Variants in GNL1 observed in about 807,000 individuals in gnomAD.
GNL1 encodes G protein nucleolar 1, also known as guanine nucleotide-binding protein-like 1.
A neutral mutation model predicts 75.2 loss-of-function variants in GNL1; 21 were observed. The observed-to-expected ratio is 0.28, with a 90% CI of 0.20 to 0.40. The LOEUF (loss-of-function observed/expected upper bound fraction) is 0.40, where lower values mean the gene tolerates loss of function less well. Ranked by LOEUF, GNL1 falls within the 10% of genes least tolerant of loss-of-function variation. The probability of loss-of-function intolerance (pLI) is 1.00; values close to 1 mark genes in which losing one functional copy is unlikely to be tolerated. For missense variants in GNL1, 579 were observed against 775.0 expected (o/e 0.75, Z 3.00); for synonymous variants, 287 against 303.4 (o/e 0.95, Z 0.56).
In GNL1 at chr6:30,552,963, C is replaced by T; in HGVS notation, c.904+121G>A. ...CAGTCTGCTCCTTATTCTGTCCCTTCCCCTGGCCTCTTGCACATATCCACC... is the reference window on the plus strand; with the variant it reads ...CAGTCTGCTCCTTATTCTGTCCCTTTCCCTGGCCTCTTGCACATATCCACC... On this transcript the variant is annotated intron_variant, in intron 7 of 11. Coordinates refer to ENST00000376621, the MANE Select transcript of GNL1 (RefSeq NM_005275.5). This position sits in a 1 kb window ranked among gnomAD's most constrained non-coding sequence, Gnocchi z 4.5. 1.3e-6 allele frequency: 1 copy of T among 752,708 alleles called. No homozygotes were observed. The highest frequency in any genetic ancestry group is 2.3e-6 in the Non-Finnish European group (1 of 437,228). 46.6% of individuals were successfully genotyped at this position (752,708 alleles called of 1,614,324 possible).
At position 30,555,232 on chromosome 6, in the gene GNL1, G is replaced by T; in HGVS notation, c.240-41C>A. The T allele has an allele frequency of 6.2e-7, 1 of 1,611,778 alleles. No individual in the cohort carries two copies. Among genetic ancestry groups the T allele is most frequent in the South Asian group, 1.1e-5 (1 of 91,032 alleles). ...CCGAGACATCCAGAGCAATCCTGTG[G>T]CCACAAACTCCTATTTTCTCCCCTC... On this transcript the variant is annotated intron_variant, in intron 2 of 11. Transcript: ENST00000376621. This position sits in a 1 kb window ranked among gnomAD's most constrained non-coding sequence, Gnocchi z 4.3.
In GNL1 at chr6:30,544,810, A is replaced by G. The variant is rs1799358303; in HGVS notation, c.*1262T>C. ...ACTGCCCAGTGACTCAGATCCTGAA[A>G]GGATCTGCTTTAGAGAAAAAAGGAG... On this transcript the variant is annotated 3_prime_UTR_variant, in exon 12 of 12. Transcript: ENST00000376621. 6.6e-6 allele frequency: 1 copy of G among 152,180 alleles called. No individual in the cohort carries two copies. The highest frequency in any genetic ancestry group is 2.4e-5 in the African/African-American group (1 of 41,452). 9.4% of individuals were successfully genotyped at this position (152,180 alleles called of 1,614,324 possible).
chr6:30,553,308 A>T, intron 6 of GNL1, 42 bp downstream of exon 6: 1 of 1,544,682 alleles, frequency 6.5e-7, no homozygotes, highest in South Asian at 1.1e-5. Context: ...GTCCCCTGCC[A>T]ACTCACCTCT....
Position 30,549,498 on chromosome 6 carries a change from A to G in GNL1, c.1100-1968T>C, listed in dbSNP as rs1022835449. On this transcript the variant is annotated intron_variant, in intron 8 of 11. Coordinates refer to ENST00000376621, the MANE Select transcript of GNL1 (RefSeq NM_005275.5). The stretch of plus-strand genomic sequence containing the variant: ...TATTGGGTCAGACTCTTTTCACACA[A>G]TGTTATGTGAAGTTGTTGCACCTTC... Among the ~76,000 whole-genome samples, 4 of 152,238 alleles carry G rather than the reference A, an allele frequency of 2.6e-5. No homozygotes were observed. The East Asian group carries it at 7.7e-4, about 29-fold the overall frequency.
Position 30,555,897 on chromosome 6 carries a change from G to T in GNL1, c.74-177C>A. On this transcript the variant is annotated intron_variant, in intron 1 of 11. Coordinates refer to ENST00000376621, the MANE Select transcript of GNL1 (RefSeq NM_005275.5). This position sits in a 1 kb window ranked among gnomAD's most constrained non-coding sequence, Gnocchi z 4.3. ...GTGGGGGGAGTCACTCCTTCAGGGA[G>T]CAGTGGGGACGGCGCCCCGTGCTAG... 1.2e-6 allele frequency: 1 copy of T among 803,166 alleles called. No homozygotes were observed. Among genetic ancestry groups the T allele is most frequent in the Non-Finnish European group, 2.0e-6 (1 of 507,256 alleles). 49.8% of individuals were successfully genotyped at this position (803,166 alleles called of 1,614,324 possible).
rs1432654584 is a variant in GNL1, at chr6:30,542,432, G to A, written c.*3640C>T. The A allele has an allele frequency of 6.6e-6, 1 of 152,280 alleles. No homozygotes were observed. The highest frequency in any genetic ancestry group is 1.9e-4 in the East Asian group (1 of 5,200). The allele number at this position is 152,280 out of a possible 1,614,324, so 9.4% of individuals were successfully genotyped here. ...TCTCTGCTCCCCACACCTATATGTTGATGATGCCCAAATCTCTGTCTCCAG... is the reference window on the plus strand; with the variant it reads ...TCTCTGCTCCCCACACCTATATGTTAATGATGCCCAAATCTCTGTCTCCAG... On this transcript the variant is annotated 3_prime_UTR_variant, in exon 12 of 12. Transcript: ENST00000376621. This position sits in a 1 kb window ranked among gnomAD's most constrained non-coding sequence, Gnocchi z 4.5.
Position 30,553,508 on chromosome 6 carries a change from C to T in GNL1, c.650G>A (p.Gly217Glu). The T allele has an allele frequency of 6.2e-7, 1 of 1,613,014 alleles. No homozygotes were observed. Among genetic ancestry groups the T allele is most frequent in the Middle Eastern group, 1.6e-4 (1 of 6,062 alleles). Residue 217 changes from glycine to glutamate, a missense_variant, in exon 6 of 12, where the codon GGA becomes GAA. Gly to Glu is a moderately conservative substitution (Grantham distance 98). Coordinates refer to ENST00000376621, the MANE Select transcript of GNL1 (RefSeq NM_005275.5). ...GTTCAAAACCAGCACCAGGGCCAGT[C>T]CAAGTTCTCCAGTCACATACTCATA... is the stretch of plus-strand genomic sequence containing the variant. ...ALYEYVTGEL[G>E]LALVLVLNKV...
At position 30,556,402 on chromosome 6, in the gene GNL1, C is replaced by T. The variant is rs572954794; in HGVS notation, c.-199G>A. Reference sequence around the variant, plus strand: ...ACGGGGGAGATATAGTCACTTCCCTCCAGGAGCGAGGCGAGAGGATGATGC... The same window carrying T: ...ACGGGGGAGATATAGTCACTTCCCTTCAGGAGCGAGGCGAGAGGATGATGC... On this transcript the variant is annotated 5_prime_UTR_variant, in exon 1 of 12. Coordinates refer to ENST00000376621, the MANE Select transcript of GNL1 (RefSeq NM_005275.5). This position sits in a 1 kb window ranked among gnomAD's most constrained non-coding sequence, Gnocchi z 5.7. 2.0e-4 allele frequency: 125 copies of T among 615,062 alleles called. 2 individuals carry two copies. In the South Asian group the frequency reaches 2.4e-3, roughly 12 times the overall value. 38.1% of individuals were successfully genotyped at this position (615,062 alleles called of 1,614,324 possible).
At position 30,544,236 on chromosome 6, in the gene GNL1, G is replaced by A. The variant is rs2127362442; in HGVS notation, c.*1836C>T. Reference sequence around the variant, plus strand: ...TCAGCATAAAAATCCCCCCTCCTCAGCTCCCAGTCAATTCTTCATCCCCAC... The same window carrying A: ...TCAGCATAAAAATCCCCCCTCCTCAACTCCCAGTCAATTCTTCATCCCCAC... On this transcript the variant is annotated 3_prime_UTR_variant, in exon 12 of 12. Coordinates refer to ENST00000376621, the MANE Select transcript of GNL1 (RefSeq NM_005275.5). 6.6e-6 allele frequency: 1 copy of A among 152,112 alleles called. No homozygotes were observed. Among genetic ancestry groups the A allele is most frequent in the Non-Finnish European group, 1.5e-5 (1 of 68,010 alleles). The allele number at this position is 152,112 out of a possible 1,614,324, so 9.4% of individuals were successfully genotyped here.
chr6:30,551,766 C>T (rs1215183720), intron 8 of GNL1, among the ~76,000 whole-genome samples: 3 of 152,092 alleles, frequency 2.0e-5, no homozygotes, highest in Non-Finnish European at 4.4e-5. Context: ...TAGTAAGCAC[C>T]ATATAAATAC....
chr6:30,541,515 A>G lies in GNL1; in HGVS notation c.*4557T>C, dbSNP rs192159477. The G allele has an allele frequency of 1.5e-3, 236 of 152,368 alleles. No homozygotes were observed. The highest frequency in any genetic ancestry group is 5.4e-3 in the African/African-American group (226 of 41,572). The allele number at this position is 152,368 out of a possible 1,614,324, so 9.4% of individuals were successfully genotyped here. A position where few individuals can be genotyped will look rare whatever the true frequency, so the allele number is the denominator to read the frequency against. Reference sequence around the variant, plus strand: ...ATAAAATCAAAGTAGAAGCTAAACTATTCAGAAGCAGTAGCAACTCCATGA... The same window carrying G: ...ATAAAATCAAAGTAGAAGCTAAACTGTTCAGAAGCAGTAGCAACTCCATGA... On this transcript the variant is annotated 3_prime_UTR_variant, in exon 12 of 12. Coordinates refer to ENST00000376621, the MANE Select transcript of GNL1 (RefSeq NM_005275.5).
rs746640603 is a variant in GNL1, at chr6:30,554,862, G to C, written c.430C>G (p.Leu144Val). The change falls in exon 4 of 12, where the codon CTA (leucine) becomes GTA (valine). Residue 144 changes from leucine (L) to valine (V), a missense_variant. Coordinates refer to ENST00000376621, the MANE Select transcript of GNL1 (RefSeq NM_005275.5). The stretch of plus-strand genomic sequence containing the variant: ...AAGCTCCGTTCCTCTTGGCTCATTA[G>C]TTGCTCCTTGGACATCTCATAGCTC... ...PWSYEMSKEQLMSQEERSFQD... is the reference protein window; with the variant it reads ...PWSYEMSKEQVMSQEERSFQD... 5 of 1,612,554 alleles carry C rather than the reference G, an allele frequency of 3.1e-6. No individual in the cohort carries two copies. The highest frequency in any genetic ancestry group is 4.2e-6 in the Non-Finnish European group (5 of 1,179,584).
At chr6:30,554,741 C>T (rs1379891201) in intron 4 of GNL1, 23 bp downstream of exon 4, 1 of 1,612,022 alleles carries the variant, frequency 6.2e-7, no homozygotes, top group South Asian at 1.1e-5. Context: ...TGCCCCACTC[C>T]TGTCCCTAGA....
In GNL1 at chr6:30,555,191, T is replaced by A. The variant is rs1331092426; in HGVS notation, c.240A>T (p.Arg80=). Residue 80 remains arginine (R), a splice_region_variant and synonymous_variant, in exon 3 of 12, where the codon CGA becomes CGT. Transcript: ENST00000376621. This position sits in a 1 kb window ranked among gnomAD's most constrained non-coding sequence, Gnocchi z 4.3. ...GLGPRGYDPN[R]YRLHFERDSR... is the part of the protein sequence containing the mutation. Reference sequence around the variant, plus strand: ...TGTCTCTCTCAAAATGCAGTCGGTATCTAAGGGAACAGGGACCGAGACATC... The same window carrying A: ...TGTCTCTCTCAAAATGCAGTCGGTAACTAAGGGAACAGGGACCGAGACATC... 6.2e-7 allele frequency: 1 copy of A among 1,613,028 alleles called. No individual in the cohort carries two copies. Among genetic ancestry groups the A allele is most frequent in the East Asian group, 2.2e-5 (1 of 44,880 alleles).
intron 5 of GNL1, 108 bp downstream of exon 5, chr6:30,554,467 A>G: frequency 2.6e-6 from 2 of 764,626 alleles, no homozygotes; most frequent in Non-Finnish European, 4.8e-6. Context: ...TAGAGATTAG[A>G]AAGACAGGAA....
At position 30,544,386 on chromosome 6, in the gene GNL1, T is replaced by C. The variant is rs1058318; in HGVS notation, c.*1686A>G. On this transcript the variant is annotated 3_prime_UTR_variant, in exon 12 of 12. Coordinates refer to ENST00000376621, the MANE Select transcript of GNL1 (RefSeq NM_005275.5). ...TTCTGATTTTTCTCCTTTCTCTCCA[T>C]ATTTTGAGGAAATGAATCCAATGTC... is the stretch of plus-strand genomic sequence containing the variant. 110,846 of 152,126 alleles carry C rather than the reference T, an allele frequency of 0.73. 40,795 individuals carry two copies. The highest frequency in any genetic ancestry group is 0.84 in the African/African-American group (34,751 of 41,502). 9.4% of individuals were successfully genotyped at this position (152,126 alleles called of 1,614,324 possible). A position where few individuals can be genotyped will look rare whatever the true frequency, so the allele number is the denominator to read the frequency against.
intron 3 of GNL1, 67 bp from the exon 4 acceptor site, chr6:30,554,982 C>A: frequency 6.2e-7 from 1 of 1,608,780 alleles, no homozygotes; most frequent in South Asian, 1.1e-5. Context: ...TCCCAGACCC[C>A]TCCTTCCTCA....
In GNL1 at chr6:30,541,676, A is replaced by G. The variant is rs551271600; in HGVS notation, c.*4396T>C. The G allele has an allele frequency of 6.6e-6, 1 of 152,394 alleles. No individual in the cohort carries two copies. Among genetic ancestry groups the G allele is most frequent in the Non-Finnish European group, 1.5e-5 (1 of 68,038 alleles). 9.4% of individuals were successfully genotyped at this position (152,394 alleles called of 1,614,324 possible). On this transcript the variant is annotated 3_prime_UTR_variant, in exon 12 of 12. Coordinates refer to ENST00000376621, the MANE Select transcript of GNL1 (RefSeq NM_005275.5). ...CTCAAATGCAGCGGGAAGTCCATTTACCAACGGCTGTTGCGATCTCTTAAT... is the reference window on the plus strand; with the variant it reads ...CTCAAATGCAGCGGGAAGTCCATTTGCCAACGGCTGTTGCGATCTCTTAAT...
rs1159440813 is a variant in GNL1, at chr6:30,543,374, T to C, written c.*2698A>G. On this transcript the variant is annotated 3_prime_UTR_variant, in exon 12 of 12. Coordinates refer to ENST00000376621, the MANE Select transcript of GNL1 (RefSeq NM_005275.5). Reference sequence around the variant, plus strand: ...CTTTTTTTTTGTAATTGTGTTTCCATTCTCCAATAAATTGTGAGCGCCACA... The same window carrying C: ...CTTTTTTTTTGTAATTGTGTTTCCACTCTCCAATAAATTGTGAGCGCCACA... 1 of 152,232 alleles carries C rather than the reference T, an allele frequency of 6.6e-6. No individual in the cohort carries two copies. Among genetic ancestry groups the C allele is most frequent in the Non-Finnish European group, 1.5e-5 (1 of 68,034 alleles). 9.4% of individuals were successfully genotyped at this position (152,232 alleles called of 1,614,324 possible).
Sources: allele counts gnomAD v4.1 joint callset (sites outside exome capture counted in the v4.1 genomes callset), GRCh38; gene constraint gnomAD v4.1.1; non-coding constraint Gnocchi (gnomAD v3.1); transcripts MANE v1.5; gene names NCBI Gene and HGNC (gene_info 2026-07-23, HGNC 2026-07-21).